Variants in TMEM70 observed in about 807,000 individuals in gnomAD.
TMEM70 encodes the protein transmembrane protein 70, also known as transmembrane protein 70, mitochondrial.
A neutral mutation model predicts 20.5 loss-of-function variants in TMEM70; 15 were observed. The observed-to-expected ratio is 0.73, with a 90% confidence interval of 0.49 to 1.13. The LOEUF is 1.13. Ranked by LOEUF, TMEM70 falls within the 50% of genes most tolerant of loss-of-function variation. The probability of loss-of-function intolerance (pLI) is 0.00; values close to 1 mark genes in which losing one functional copy is unlikely to be tolerated. For synonymous variants in TMEM70, 141 were observed against 134.2 expected (o/e 1.05, Z -0.35); for missense variants, 344 against 331.7 (o/e 1.04, Z -0.29).
rs1378066435 is a variant in TMEM70 at position 73,982,418 on chromosome 8, A to G, written c.*797A>G. On this transcript the variant is annotated 3_prime_UTR_variant, in exon 3 of 3. Coordinates refer to ENST00000312184, the MANE Select transcript of TMEM70 (RefSeq NM_017866.6). The stretch of plus-strand genomic sequence containing the variant: ...CAGTCCTCAGATAGTTAAGCAGATT[A>G]CTTCCATCAGTATTGAGCCAGGAGT... 1.2e-6 allele frequency: 1 copy of G among 804,966 alleles called. No individual in the cohort carries two copies. The highest frequency in any genetic ancestry group is 1.8e-5 in the Admixed American group (1 of 56,906). 49.9% of individuals were successfully genotyped at this position (804,966 alleles called of 1,614,324 possible).
rs1460327953 is a variant in TMEM70, at chr8:73,981,754, A to G, written c.*133A>G. ...TTATCAAAGCTTTTAATTTCCAGAG[A>G]ATGATGTTTGTTTATAATAAAACAA... On this transcript the variant is annotated 3_prime_UTR_variant, in exon 3 of 3. Transcript: ENST00000312184. 1.0e-5 allele frequency: 8 copies of G among 799,476 alleles called. No homozygotes were observed. The highest frequency in any genetic ancestry group is 2.0e-5 in the Admixed American group (1 of 49,788). 49.5% of individuals were successfully genotyped at this position (799,476 alleles called of 1,614,324 possible).
Position 73,981,748 on chromosome 8 carries a change from C to T in TMEM70, c.*127C>T. The T allele has an allele frequency of 1.2e-6, 1 of 803,734 alleles. No individual in the cohort carries two copies. The highest frequency in any genetic ancestry group is 2.1e-6 in the Non-Finnish European group (1 of 482,310). 49.8% of individuals were successfully genotyped at this position (803,734 alleles called of 1,614,324 possible). A position where few individuals can be genotyped will look rare whatever the true frequency, so the allele number is the denominator to read the frequency against. On this transcript the variant is annotated 3_prime_UTR_variant, in exon 3 of 3. Transcript: ENST00000312184. ...TTGAAATTATCAAAGCTTTTAATTT[C>T]CAGAGAATGATGTTTGTTTATAATA...
At chr8:73,980,979 C>T (rs979053691) in intron 2 of TMEM70, among the ~76,000 whole-genome samples, 176 bp from the exon 3 acceptor site, 4 of 152,080 alleles carry the variant, frequency 2.6e-5, no homozygotes, top group Admixed American at 6.6e-5. Context: ...ACATTGAAGT[C>T]AAAATATGTA....
At chr8:73,979,914 G>T (rs1031909634) in intron 2 of TMEM70, among the ~76,000 whole-genome samples, 2 of 152,082 alleles carry the variant, frequency 1.3e-5, no homozygotes, top group Non-Finnish European at 2.9e-5. Context: ...GTAGAGACAG[G>T]TCTTCCTATG....
Position 73,982,519 on chromosome 8 carries a change from C to CA in TMEM70, c.*904dup, listed in dbSNP as rs755098759. The stretch of plus-strand genomic sequence containing the variant: ...TGATTACCAGTTGTTAAAAAATTTT[C>CA]AAAAAACCGCAAAATTTCAAGAAAT... On this transcript the variant is annotated 3_prime_UTR_variant, in exon 3 of 3. Coordinates refer to ENST00000312184, the MANE Select transcript of TMEM70 (RefSeq NM_017866.6). 3.3e-5 allele frequency: 19 copies of CA among 572,448 alleles called. No individual in the cohort carries two copies. The highest frequency in any genetic ancestry group is 5.3e-5 in the Non-Finnish European group (16 of 300,452). 35.5% of individuals were successfully genotyped at this position (572,448 alleles called of 1,614,324 possible). A position where few individuals can be genotyped will look rare whatever the true frequency, so the allele number is the denominator to read the frequency against.
At position 73,982,532 on chromosome 8, in the gene TMEM70, A is replaced by G; in HGVS notation, c.*911A>G. The G allele has an allele frequency of 1.8e-6, 1 of 544,206 alleles. No homozygotes were observed. Among genetic ancestry groups the G allele is most frequent in the Non-Finnish European group, 3.5e-6 (1 of 282,366 alleles). The allele number at this position is 544,206 out of a possible 1,614,324, so 33.7% of individuals were successfully genotyped here. On this transcript the variant is annotated 3_prime_UTR_variant, in exon 3 of 3. Coordinates refer to ENST00000312184, the MANE Select transcript of TMEM70 (RefSeq NM_017866.6). ...TTAAAAAATTTTCAAAAAACCGCAA[A>G]ATTTCAAGAAATTCACAAATTATGG...
intron 1 of TMEM70, among the ~76,000 whole-genome samples, chr8:73,978,275 C>T (rs368340455): frequency 1.4e-4 from 21 of 151,234 alleles, no homozygotes; most frequent in South Asian, 4.2e-4. Context: ...TTAGTAGAGA[C>T]GGGGTTTCAC....
chr8:73,976,590 T>TCATTATTGAGGGA, intron 1 of TMEM70, 99 bp downstream of exon 1: 1 of 1,219,978 alleles, frequency 8.2e-7, no homozygotes, highest in East Asian at 2.7e-5. Context: ...CTCTCCCAGG[T>TCATTATTGAGGGA]GTCCGTGGCT....
chr8:73,976,465 C>G lies in TMEM70; in HGVS notation c.184C>G (p.Leu62Val), dbSNP rs1442230154. 12 of 1,546,856 alleles carry G rather than the reference C, an allele frequency of 7.8e-6. No individual in the cohort carries two copies. The highest frequency in any genetic ancestry group is 1.0e-5 in the Non-Finnish European group (12 of 1,152,648). The change falls in exon 1 of 3, where the codon CTT becomes GTT. Residue 62 changes from leucine (L) to valine (V), a missense_variant. Leu to Val is a conservative substitution (Grantham distance 32). Coordinates refer to ENST00000312184, the MANE Select transcript of TMEM70 (RefSeq NM_017866.6). ...TACGGGGCCTTCGGGAGCCGCGCGC[C>G]TTCTCCGGCGTCCGGGTCGAGCGCA... is the stretch of plus-strand genomic sequence containing the variant. ...WSTGPSGAARLLRRPGRAQIP... is the reference protein window; with the variant it reads ...WSTGPSGAARVLRRPGRAQIP...
chr8:73,982,136 A>G lies in TMEM70; in HGVS notation c.*515A>G. 1.9e-6 allele frequency: 1 copy of G among 519,404 alleles called. No individual in the cohort carries two copies. Among genetic ancestry groups the G allele is most frequent in the Non-Finnish European group, 3.8e-6 (1 of 261,272 alleles). The allele number at this position is 519,404 out of a possible 1,614,324, so 32.2% of individuals were successfully genotyped here. ...GCCTTGCAGCAGCCATGGCTTTTAA[A>G]CATACCAGAAAAACACCCGTGGAGT... On this transcript the variant is annotated 3_prime_UTR_variant, in exon 3 of 3. Transcript: ENST00000312184.
At chr8:73,980,163 A>G (rs774708604) in intron 2 of TMEM70, among the ~76,000 whole-genome samples, 9 of 151,898 alleles carry the variant, frequency 5.9e-5, no homozygotes, top group Non-Finnish European at 1.3e-4. Context: ...ATCTGGGCTC[A>G]CTGCAACCTC....
At chr8:73,981,132 C>T (rs780958488) in intron 2 of TMEM70, 23 bp from the exon 3 acceptor site, 5 of 1,568,748 alleles carry the variant, frequency 3.2e-6, no homozygotes, top group South Asian at 1.1e-5. Flanking sequence ...AGTATTGATC[C>T]TCTCTCTTTT....
At chr8:73,977,314 T>C (rs1815674896) in intron 1 of TMEM70, among the ~76,000 whole-genome samples, 1 of 151,898 alleles carries the variant, frequency 6.6e-6, no homozygotes, top group African/African-American at 2.4e-5. Flanking sequence ...CCCCAGTAGT[T>C]GGGATTACAG....
intron 1 of TMEM70, among the ~76,000 whole-genome samples, chr8:73,977,675 A>G (rs1479871545): frequency 6.6e-6 from 1 of 152,046 alleles, no homozygotes; most frequent in African/African-American, 2.4e-5. Context: ...GTAAAATTAA[A>G]TTTTATTTCT....
At chr8:73,981,011 G>A in intron 2 of TMEM70, 144 bp from the exon 3 acceptor site, 1 of 706,900 alleles carries the variant, frequency 1.4e-6, no homozygotes, top group African/African-American at 1.8e-5. Context: ...ACAGAGCTTA[G>A]AATATAATAA....
rs1181045001 is a variant in TMEM70, at chr8:73,981,830, G to A, written c.*209G>A. ...TATCTACCATTCGTGTTTTAGAAAG[G>A]TATGTGAATAAATATGTTCATGCTA... On this transcript the variant is annotated 3_prime_UTR_variant, in exon 3 of 3. Transcript: ENST00000312184. 1.5e-6 allele frequency: 1 copy of A among 659,492 alleles called. No homozygotes were observed. The highest frequency in any genetic ancestry group is 2.8e-6 in the Non-Finnish European group (1 of 360,738). The allele number at this position is 659,492 out of a possible 1,614,324, so 40.9% of individuals were successfully genotyped here.
chr8:73,977,611 C>T (rs1357897756), intron 1 of TMEM70, among the ~76,000 whole-genome samples: 1 of 152,130 alleles, frequency 6.6e-6, no homozygotes, highest in Non-Finnish European at 1.5e-5. Context: ...TTGTAAAAGG[C>T]CTGGACTTTA....
chr8:73,979,280 C>T (rs1165106646), intron 2 of TMEM70: 20 of 234,182 alleles, frequency 8.5e-5, no homozygotes, highest in East Asian at 1.2e-4. Context: ...CCACCCACCT[C>T]GGCCTCCCAA....
rs759034954 is a variant in TMEM70 at position 73,982,034 on chromosome 8, T to C, written c.*413T>C. On this transcript the variant is annotated 3_prime_UTR_variant, in exon 3 of 3. Coordinates refer to ENST00000312184, the MANE Select transcript of TMEM70 (RefSeq NM_017866.6). ...AGTCATAGGTGGTGCGGAGCTGTGG[T>C]CCACCTGCTCCTGCTCCTGACTCAC... 148 of 465,614 alleles carry C rather than the reference T, an allele frequency of 3.2e-4. No homozygotes were observed. The highest frequency in any genetic ancestry group is 1.0e-3 in the Admixed American group (43 of 43,022). The allele number at this position is 465,614 out of a possible 1,614,324, so 28.8% of individuals were successfully genotyped here. A position where few individuals can be genotyped will look rare whatever the true frequency, so the allele number is the denominator to read the frequency against.
Sources: gnomAD v4.1 joint callset for allele counts (sites outside exome capture counted in the v4.1 genomes callset) on GRCh38, gnomAD v4.1.1 for gene constraint, MANE v1.5 for transcripts, NCBI Gene and HGNC (gene_info 2026-07-23, HGNC 2026-07-21) for gene names.